SLC16A12: variants seen among roughly 807,000 people sequenced by gnomAD.
SLC16A12 encodes monocarboxylate transporter 12.
A neutral mutation model predicts 42.4 loss-of-function variants in SLC16A12; 17 were observed. The ratio of observed to expected loss-of-function variants is 0.40; its 90% CI spans 0.27 to 0.60. The LOEUF (loss-of-function observed/expected upper bound fraction) is 0.60, where lower values mean the gene tolerates loss of function less well. SLC16A12 is among the 20% of genes least tolerant of loss of function. SLC16A12 has a pLI of 0.42. For synonymous variants in SLC16A12, 224 were observed against 229.4 expected (o/e 0.98, Z 0.21); for missense variants, 544 against 623.0 (o/e 0.87, Z 1.35).
rs140077758 is a variant in SLC16A12 at position 89,450,893 on chromosome 10, G to A, written c.201-7034C>T. ...CTTTACAATAAACATGATTTCTTAT[G>A]TAACCAGAAATGTGTATATATGTGT... is the stretch of plus-strand genomic sequence containing the variant. On this transcript the variant is annotated intron_variant, in intron 3 of 7. Transcript: ENST00000371790. Among the ~76,000 whole-genome samples, 236 of 152,170 alleles carry A rather than the reference G, an allele frequency of 1.6e-3. 5 individuals are homozygous for A. The East Asian group carries it at 0.038, about 25-fold the overall frequency.
intron 2 of SLC16A12, among the ~76,000 whole-genome samples, chr10:89,507,065 T>C (rs1218999674): frequency 3.3e-5 from 5 of 151,796 alleles, no homozygotes; most frequent in African/African-American, 1.2e-4. Context: ...CTCCAAGAAA[T>C]ATGGGACTAT....
chr10:89,539,814 C>G (rs1843700246), upstream of SLC16A12, among the ~76,000 whole-genome samples: 1 of 151,886 alleles, frequency 6.6e-6, no homozygotes, highest in Non-Finnish European at 1.5e-5. Flanking sequence ...AATACATGGA[C>G]AAGGAAATAG....
chr10:89,462,386 C>G lies in SLC16A12; in HGVS notation c.193G>C (p.Val65Leu), dbSNP rs780951160. Reference sequence around the variant, plus strand: ...GAAGAAAATCCTACCTACCTTGTGACTGCCCGTGTGCAGATGGTAACAAGG... The same window carrying G: ...GAAGAAAATCCTACCTACCTTGTGAGTGCCCGTGTGCAGATGGTAACAAGG... ...CFLVTICTRA[V>L]TRCISIFFVE... The change falls in exon 3 of 8, where the codon GTC becomes CTC. Residue 65 changes from valine (V) to leucine (L), a missense_variant. Coordinates refer to ENST00000371790, the MANE Select transcript of SLC16A12 (RefSeq NM_213606.4). 4 of 1,614,062 alleles carry G rather than the reference C, an allele frequency of 2.5e-6. No individual in the cohort carries two copies. The highest frequency in any genetic ancestry group is 3.4e-6 in the Non-Finnish European group (4 of 1,179,962).
intron 2 of SLC16A12, among the ~76,000 whole-genome samples, chr10:89,506,652 C>T (rs1012862918): frequency 6.6e-6 from 1 of 152,112 alleles, no homozygotes; most frequent in African/African-American, 2.4e-5. Flanking sequence ...ATTCCAAAAA[C>T]CAGACAGCTT....
intron 2 of SLC16A12, among the ~76,000 whole-genome samples, chr10:89,502,173 G>A (rs527431895): frequency 2.5e-4 from 38 of 152,170 alleles, no homozygotes; most frequent in African/African-American, 6.3e-4. Context: ...ATGCCCGGCC[G>A]GGTGCGGTGG....
intron 2 of SLC16A12, among the ~76,000 whole-genome samples, chr10:89,502,912 G>A (rs773456170): frequency 8.5e-5 from 13 of 152,190 alleles, no homozygotes; most frequent in Middle Eastern, 3.2e-3. Flanking sequence ...CTGAGAAGAT[G>A]AGCAATGGTG....
At chr10:89,441,012 T>C (rs1489819069) in intron 5 of SLC16A12, 96 bp downstream of exon 5, 1 of 1,509,948 alleles carries the variant, frequency 6.6e-7, no homozygotes, top group Non-Finnish European at 9.2e-7. Context: ...ATTATGCATC[T>C]AACAAAATGA....
intron 2 of SLC16A12, among the ~76,000 whole-genome samples, chr10:89,520,176 T>C (rs1380309502): frequency 6.6e-6 from 1 of 152,028 alleles, no homozygotes; most frequent in South Asian, 2.1e-4. Flanking sequence ...AGTATATCAT[T>C]GTCACCATCC....
intron 2 of SLC16A12, among the ~76,000 whole-genome samples, chr10:89,464,698 T>A (rs1842363258): frequency 6.6e-6 from 1 of 152,182 alleles, no homozygotes. Context: ...CAACAGAAAT[T>A]TATAAGTGTG....
intron 2 of SLC16A12, among the ~76,000 whole-genome samples, chr10:89,481,436 CT>C (rs1354375134): frequency 2.0e-5 from 3 of 152,030 alleles, no homozygotes; most frequent in Non-Finnish European, 4.4e-5. Flanking sequence ...GGTTTGCTCT[CT>C]TTATTTAAAC....
At chr10:89,475,708 G>A (rs1842567515) in intron 2 of SLC16A12, among the ~76,000 whole-genome samples, 1 of 152,146 alleles carries the variant, frequency 6.6e-6, no homozygotes, top group Non-Finnish European at 1.5e-5. Context: ...CTGAAACACT[G>A]ACCTTTGCTA....
At chr10:89,520,485 A>C in intron 2 of SLC16A12, among the ~76,000 whole-genome samples, 1 of 152,212 alleles carries the variant, frequency 6.6e-6, no homozygotes, top group Admixed American at 6.5e-5. Context: ...ACTAGAACTC[A>C]ATAAGCATTT....
chr10:89,434,768 A>G (rs1186639473), intron 7 of SLC16A12, among the ~76,000 whole-genome samples: 1 of 152,248 alleles, frequency 6.6e-6, no homozygotes, highest in African/African-American at 2.4e-5. Context: ...ATTTAGGCAG[A>G]TAATAATATG....
intron 2 of SLC16A12, among the ~76,000 whole-genome samples, chr10:89,552,917 C>CA (rs1008584211): frequency 1.6e-4 from 24 of 152,154 alleles, no homozygotes; most frequent in African/African-American, 5.8e-4. Flanking sequence ...TCCCAAGTTC[C>CA]AAAAAATGAC....
chr10:89,555,367 G>T (rs1236347838), intron 2 of SLC16A12, among the ~76,000 whole-genome samples: 1 of 150,640 alleles, frequency 6.6e-6, no homozygotes, highest in Non-Finnish European at 1.5e-5. Flanking sequence ...AAATTGCATT[G>T]GTTTAAATGT....
At chr10:89,522,195 T>A (rs1564598434) in intron 2 of SLC16A12, among the ~76,000 whole-genome samples, 2 of 152,336 alleles carry the variant, frequency 1.3e-5, no homozygotes, top group East Asian at 1.9e-4. Flanking sequence ...TTCTGAAATC[T>A]AGAGTTGTAT....
intron 2 of SLC16A12, among the ~76,000 whole-genome samples, chr10:89,489,950 T>C (rs1230245882): frequency 6.6e-6 from 1 of 152,196 alleles, no homozygotes; most frequent in Admixed American, 6.5e-5. Context: ...AGGAACAAAC[T>C]GAACAATGTA....
upstream of SLC16A12, among the ~76,000 whole-genome samples, chr10:89,536,501 A>G (rs1843664650): frequency 2.6e-5 from 4 of 152,064 alleles, no homozygotes; most frequent in Admixed American, 2.6e-4. Context: ...CGCCCGGTAC[A>G]TAATACAATT....
intron 7 of SLC16A12, among the ~76,000 whole-genome samples, chr10:89,435,703 C>T (rs569069177): frequency 2.4e-4 from 36 of 152,214 alleles, no homozygotes; most frequent in African/African-American, 8.7e-4. Flanking sequence ...ACCCACTGCC[C>T]CCTGTTGGAA....
Sources: gnomAD v4.1 joint callset for allele counts (sites outside exome capture counted in the v4.1 genomes callset) on GRCh38, gnomAD v4.1.1 for gene constraint, MANE v1.5 for transcripts, NCBI Gene and HGNC (gene_info 2026-07-23, HGNC 2026-07-21) for gene names.